CNTLN: variants seen among roughly 807,000 people sequenced by gnomAD.
CNTLN encodes centlein.
Under a neutral mutation model 180.0 loss-of-function variants are expected in CNTLN, and 212 were observed. The ratio of observed to expected loss-of-function variants is 1.18; its 90% CI spans 1.05 to 1.32. CNTLN has a LOEUF of 1.32. Ranked by LOEUF, CNTLN falls within the 40% of genes most tolerant of loss-of-function variation. The pLI is 0.00. For synonymous variants in CNTLN, 722 were observed against 563.1 expected, an observed-to-expected ratio of 1.28 and a Z score of -3.99; for missense variants, 2,095 against 1,610.9, an observed-to-expected ratio of 1.30 and a Z score of -5.14.
intron 25 of CNTLN, among the ~76,000 whole-genome samples, chr9:17,496,171 T>C (rs531300222): frequency 3.3e-5 from 5 of 152,338 alleles, no homozygotes; most frequent in African/African-American, 1.2e-4. Context: ...GACACAGTGA[T>C]GAACAAGAGA....
chr9:17,285,080 T>C (rs893039465), intron 6 of CNTLN, among the ~76,000 whole-genome samples: 2 of 151,150 alleles, frequency 1.3e-5, no homozygotes, highest in Admixed American at 6.6e-5. Flanking sequence ...TGTATACATG[T>C]GCCATGCTGG....
intron 2 of CNTLN, among the ~76,000 whole-genome samples, chr9:17,199,653 T>C (rs1392145726): frequency 6.6e-6 from 1 of 152,214 alleles, no homozygotes; most frequent in African/African-American, 2.4e-5. Flanking sequence ...TTGAGAAGTG[T>C]CTTGTCGTAT....
At chr9:17,379,522 A>G in intron 13 of CNTLN, among the ~76,000 whole-genome samples, 1 of 152,076 alleles carries the variant, frequency 6.6e-6, no homozygotes, top group Non-Finnish European at 1.5e-5. Context: ...AGCTCTCTGT[A>G]AGCAGTAAGC....
intron 6 of CNTLN, among the ~76,000 whole-genome samples, chr9:17,285,225 A>T (rs948918443): frequency 3.4e-4 from 48 of 140,334 alleles, no homozygotes; most frequent in Non-Finnish European, 6.0e-4. Context: ...TCATTGTTCA[A>T]TTCCCACCTA....
intron 12 of CNTLN, among the ~76,000 whole-genome samples, chr9:17,366,299 T>TTGC (rs1823813858): frequency 3.9e-5 from 1 of 25,536 alleles, no homozygotes; most frequent in Non-Finnish European, 9.7e-5. Context: ...CTAGTTGTTA[T>TTGC]TGTTGTTGTT....
At chr9:17,322,685 A>C (rs1483093854) in intron 8 of CNTLN, among the ~76,000 whole-genome samples, 1 of 152,100 alleles carries the variant, frequency 6.6e-6, no homozygotes, top group Non-Finnish European at 1.5e-5. Flanking sequence ...TAGTGGATTA[A>C]TTAAACTGTA....
At chr9:17,178,617 T>A (rs1269404285) in intron 2 of CNTLN, among the ~76,000 whole-genome samples, 4 of 151,328 alleles carry the variant, frequency 2.6e-5, no homozygotes, top group Non-Finnish European at 5.9e-5. Context: ...GCACAGCAGC[T>A]GCTGGCCCAG....
chr9:17,468,235 A>G (rs1831858725), intron 23 of CNTLN, among the ~76,000 whole-genome samples: 2 of 151,604 alleles, frequency 1.3e-5, no homozygotes, highest in South Asian at 4.2e-4. Context: ...ATCGGGGCCT[A>G]CTTGAGGGTG....
chr9:17,409,222 C>G (rs1564080382), intron 15 of CNTLN, 71 bp from the exon 16 acceptor site: 8 of 1,407,046 alleles, frequency 5.7e-6, no homozygotes, highest in Non-Finnish European at 7.9e-6. Context: ...ATTATTTGGT[C>G]TTGAACTTAA....
chr9:17,435,064 G>A (rs1424361239), intron 18 of CNTLN, among the ~76,000 whole-genome samples: 1 of 152,190 alleles, frequency 6.6e-6, no homozygotes, highest in Non-Finnish European at 1.5e-5. Context: ...TATTAAGAAT[G>A]TATTCTGTAT....
chr9:17,404,066 A>G (rs1827189110), intron 15 of CNTLN, among the ~76,000 whole-genome samples: 1 of 151,748 alleles, frequency 6.6e-6, no homozygotes, highest in African/African-American at 2.4e-5. Context: ...ATGAGCCACC[A>G]AGCCCAGCTA....
chr9:17,361,691 A>T (rs1463191094), intron 12 of CNTLN, among the ~76,000 whole-genome samples: 1 of 152,018 alleles, frequency 6.6e-6, no homozygotes, highest in African/African-American at 2.4e-5. Context: ...ACTCAATGAG[A>T]CTGTCATGTT....
chr9:17,440,704 A>G (rs1418354374), intron 18 of CNTLN, among the ~76,000 whole-genome samples: 3 of 152,220 alleles, frequency 2.0e-5, no homozygotes, highest in Non-Finnish European at 4.4e-5. Context: ...CCATCAACTT[A>G]TGAATGGAGA....
intron 15 of CNTLN, 131 bp from the exon 16 acceptor site, chr9:17,409,162 G>A: frequency 2.8e-6 from 2 of 723,186 alleles, no homozygotes; most frequent in South Asian, 3.7e-5. Flanking sequence ...TTGAGAACCA[G>A]TAAATGCCCA....
chr9:17,331,788 A>G (rs573436278), intron 9 of CNTLN, among the ~76,000 whole-genome samples: 3 of 152,198 alleles, frequency 2.0e-5, no homozygotes, highest in East Asian at 3.9e-4. Flanking sequence ...TAGTTTCACA[A>G]GCACTGAACT....
chr9:17,324,598 C>G (rs1446216824), intron 8 of CNTLN, among the ~76,000 whole-genome samples: 1 of 152,036 alleles, frequency 6.6e-6, no homozygotes, highest in Non-Finnish European at 1.5e-5. Flanking sequence ...CTTGTGGTTG[C>G]TCAATTTTGT....
At position 17,298,324 on chromosome 9, in the gene CNTLN, A is replaced by G. The variant is rs1374121304; in HGVS notation, c.1118A>G (p.His373Arg). The G allele has an allele frequency of 1.2e-6, 2 of 1,612,990 alleles. No individual in the cohort carries two copies. Among genetic ancestry groups the G allele is most frequent in the Non-Finnish European group, 8.5e-7 (1 of 1,179,630 alleles). Residue 373 changes from histidine (H) to arginine (R), a missense_variant, in exon 7 of 26, where the codon CAC becomes CGC. His to Arg is a conservative substitution (Grantham distance 29). Transcript: ENST00000380647. Reference sequence around the variant, plus strand: ...GTACTGAGAAATCAGGAAGATGTTCACACAGCTGAAAGTATATCATATCAA... The same window carrying G: ...GTACTGAGAAATCAGGAAGATGTTCGCACAGCTGAAAGTATATCATATCAA... ...QKVLRNQEDV[H>R]TAESISYQKL...
chr9:17,341,401 T>C (rs756432250), intron 11 of CNTLN, among the ~76,000 whole-genome samples: 17 of 152,214 alleles, frequency 1.1e-4, no homozygotes, highest in Non-Finnish European at 2.1e-4. Flanking sequence ...TACTTCAACC[T>C]AGTATGCAAT....
downstream of CNTLN, among the ~76,000 whole-genome samples, chr9:17,504,283 C>G (rs1376185102): frequency 6.6e-6 from 1 of 152,166 alleles, no homozygotes; most frequent in Middle Eastern, 3.4e-3. Flanking sequence ...AAAACATTAC[C>G]ATACTAAGCA....
Sources: gnomAD v4.1 joint callset for allele counts (sites outside exome capture counted in the v4.1 genomes callset) on GRCh38, gnomAD v4.1.1 for gene constraint, MANE v1.5 for transcripts, NCBI Gene and HGNC (gene_info 2026-07-23, HGNC 2026-07-21) for gene names.